ZNF212: variants seen among roughly 807,000 people sequenced by gnomAD.
ZNF212 encodes Zinc finger protein C2H2-150.
ZNF212 carries 32 observed loss-of-function variants against 47.3 expected under a neutral mutation model. That is an observed-to-expected ratio of 0.68 (90% CI 0.51 to 0.91). ZNF212 has a LOEUF of 0.91. Among genes scored for constraint, ZNF212 ranks in the 40% least tolerant of loss-of-function variants. The pLI is 0.00. For synonymous variants in ZNF212, 242 were observed against 253.8 expected (o/e 0.95, Z 0.44); for missense variants, 555 against 622.8 (o/e 0.89, Z 1.16).
chr7:149,247,038 C>G (rs1407873349), intron 1 of ZNF212, among the ~76,000 whole-genome samples: 1 of 148,342 alleles, frequency 6.7e-6, no homozygotes, highest in Non-Finnish European at 1.5e-5. Context: ...TCTCGAACTC[C>G]CAACCTCAGG....
At chr7:149,240,780 A>G (rs1796576434) in intron 1 of ZNF212, among the ~76,000 whole-genome samples, 1 of 152,218 alleles carries the variant, frequency 6.6e-6, no homozygotes, top group African/African-American at 2.4e-5. Context: ...GATCTTTGTG[A>G]GAATGGAGGG....
intron 1 of ZNF212, among the ~76,000 whole-genome samples, chr7:149,244,907 G>A (rs995956821): frequency 3.3e-5 from 5 of 152,162 alleles, no homozygotes; most frequent in Non-Finnish European, 7.4e-5. Context: ...AACCATCCAT[G>A]TGCCACCCTC....
chr7:149,246,813 C>CTTTTTTT (rs71194633), intron 1 of ZNF212, among the ~76,000 whole-genome samples: 3 of 103,592 alleles, frequency 2.9e-5, no homozygotes, highest in East Asian at 2.8e-4. Flanking sequence ...TGTCTGAATT[C>CTTTTTTT]TTTTTTTTTT....
At chr7:149,246,331 T>C (rs1796675943) in intron 1 of ZNF212, among the ~76,000 whole-genome samples, 1 of 152,178 alleles carries the variant, frequency 6.6e-6, no homozygotes, top group African/African-American at 2.4e-5. Flanking sequence ...ATTACCAAGA[T>C]AGAGAATATT....
At chr7:149,242,013 TTTC>T (rs1796596456) in intron 1 of ZNF212, among the ~76,000 whole-genome samples, 1 of 143,188 alleles carries the variant, frequency 7.0e-6, no homozygotes, top group African/African-American at 2.6e-5. Context: ...TTCTTTTTCT[TTTC>T]TTTTCTTTTT....
chr7:149,243,430 T>G, intron 1 of ZNF212, among the ~76,000 whole-genome samples: 1 of 47,818 alleles, frequency 2.1e-5, no homozygotes, highest in African/African-American at 9.3e-5. Flanking sequence ...TGAGACTCCG[T>G]CTCAAAAAAA....
Position 149,250,337 on chromosome 7 carries a change from G to A in ZNF212, c.203G>A (p.Arg68His), listed in dbSNP as rs749177801. The change falls in exon 2 of 5, where the codon CGC (arginine) becomes CAC (histidine). Residue 68 changes from arginine (R) to histidine (H), a missense_variant. Coordinates refer to ENST00000335870, the MANE Select transcript of ZNF212 (RefSeq NM_012256.4). Reference protein sequence around the residue: ...QAARLQSLEGRTGTAEKKLAD... With the variant: ...QAARLQSLEGHTGTAEKKLAD... ...GCCCGGCTACAGAGCCTGGAGGGGC[G>A]CACGGGGACAGCCGAGAAGAAGCTG... 3.1e-6 allele frequency: 5 copies of A among 1,614,126 alleles called. No homozygotes were observed. Among genetic ancestry groups the A allele is most frequent in the East Asian group, 2.2e-5 (1 of 44,876 alleles).
Position 149,241,073 on chromosome 7 carries a change from C to G in ZNF212, c.24+1271C>G, listed in dbSNP as rs368251193. Among the ~76,000 whole-genome samples the G allele has an allele frequency of 1.8e-4, 28 of 152,324 alleles. No homozygotes were observed. The South Asian group carries it at 5.6e-3, about 30-fold the overall frequency. On this transcript the variant is annotated intron_variant, in intron 1 of 4. Transcript: ENST00000335870. ...CCGGCGAGAGGATTCTGCCACAGTTCTTCCTGCCAGGTCACTCCACAATTA... is the reference window on the plus strand; with the variant it reads ...CCGGCGAGAGGATTCTGCCACAGTTGTTCCTGCCAGGTCACTCCACAATTA...
intron 1 of ZNF212, among the ~76,000 whole-genome samples, chr7:149,247,512 A>G (rs1422158906): frequency 6.6e-6 from 1 of 152,234 alleles, no homozygotes. Context: ...GTCTACTACT[A>G]AGTAGCAGGC....
In ZNF212 at chr7:149,254,183, C is replaced by G; in HGVS notation, c.1256C>G (p.Pro419Arg). Residue 419 changes from proline (P) to arginine (R), a missense_variant, in exon 5 of 5, where the codon CCT (proline) becomes CGT (arginine). By Grantham distance (103) the Pro-to-Arg change is moderately radical. Coordinates refer to ENST00000335870, the MANE Select transcript of ZNF212 (RefSeq NM_012256.4). This position sits in a 1 kb window ranked among gnomAD's most constrained non-coding sequence, Gnocchi z 4.5. Reference sequence around the variant, plus strand: ...CTGGTTGCCCTGCCTGGCCACATCCCTTGGAGGAAAAGCCGGAGTTCCCTC... The same window carrying G: ...CTGGTTGCCCTGCCTGGCCACATCCGTTGGAGGAAAAGCCGGAGTTCCCTC... ...NSLVALPGHI[P>R]WRKSRSSLIC... The G allele has an allele frequency of 6.2e-7, 1 of 1,614,256 alleles. No homozygotes were observed. Among genetic ancestry groups the G allele is most frequent in the Non-Finnish European group, 8.5e-7 (1 of 1,180,034 alleles).
chr7:149,242,352 CAA>C (rs200276596), intron 1 of ZNF212, among the ~76,000 whole-genome samples: 2 of 133,794 alleles, frequency 1.5e-5, no homozygotes. Flanking sequence ...TAAAAGCAAC[CAA>C]AAAAAAAAAA....
At chr7:149,247,442 A>G (rs866995987) in intron 1 of ZNF212, among the ~76,000 whole-genome samples, 2 of 152,312 alleles carry the variant, frequency 1.3e-5, no homozygotes, top group South Asian at 4.1e-4. Context: ...GTTGTTAAAC[A>G]TGTCAGTGAT....
At chr7:149,242,321 GC>G (rs1796605722) in intron 1 of ZNF212, among the ~76,000 whole-genome samples, 1 of 151,192 alleles carries the variant, frequency 6.6e-6, no homozygotes, top group Non-Finnish European at 1.5e-5. Context: ...ACCGCACCCG[GC>G]CTAAGGCAGA....
Position 149,239,800 on chromosome 7 carries a change from C to A in ZNF212, c.22C>A (p.Arg8=). 2.4e-6 allele frequency: 3 copies of A among 1,274,064 alleles called. No individual in the cohort carries two copies. The highest frequency in any genetic ancestry group is 3.0e-6 in the Non-Finnish European group (3 of 1,002,358). The allele number at this position is 1,274,064 out of a possible 1,614,324, so 78.9% of individuals were successfully genotyped here. Residue 8 remains arginine (R), a splice_region_variant and synonymous_variant, in exon 1 of 5, where the codon CGG becomes AGG. Coordinates refer to ENST00000335870, the MANE Select transcript of ZNF212 (RefSeq NM_012256.4). MAESAPA[R]HRRKRRSTPL... is the part of the protein sequence containing the mutation. ...AGCCATGGCGGAGTCGGCGCCTGCT[C>A]GGGTAAAGAGGCACCGGCGCGCTGG... is the stretch of plus-strand genomic sequence containing the variant.
At chr7:149,241,324 C>T (rs183651919) in intron 1 of ZNF212, among the ~76,000 whole-genome samples, 5 of 149,374 alleles carry the variant, frequency 3.3e-5, no homozygotes, top group Admixed American at 1.4e-4. Flanking sequence ...CCCAGCTACT[C>T]GGGAGGCTGA....
chr7:149,251,074 G>A lies in ZNF212; in HGVS notation c.541+267G>A, dbSNP rs1796749534. 2.8e-5 allele frequency: 10 copies of A among 360,506 alleles called. No homozygotes were observed. The Admixed American group carries it at 4.4e-4, about 16-fold the overall frequency. 22.3% of individuals were successfully genotyped at this position (360,506 alleles called of 1,614,324 possible). ...TGTGTTTTTTTTTTTTTTTTCCTGT[G>A]GTCACATAGTCTGTTCTTGATAGTA... On this transcript the variant is annotated intron_variant, in intron 3 of 4. Transcript: ENST00000335870.
At chr7:149,250,927 C>T (rs150914904) in intron 3 of ZNF212, 120 bp downstream of exon 3, 403 of 1,368,548 alleles carry the variant, frequency 2.9e-4, no homozygotes, top group Non-Finnish European at 3.8e-4. Flanking sequence ...TCGGCCTGCA[C>T]GGGCAGAGAA....
chr7:149,240,041 C>G (rs76393077), intron 1 of ZNF212: 1 of 427,506 alleles, frequency 2.3e-6, no homozygotes, highest in Non-Finnish European at 4.0e-6. Context: ...AGAAACTTCT[C>G]TGACGCTTGC....
chr7:149,241,295 G>A (rs150530333), intron 1 of ZNF212, among the ~76,000 whole-genome samples: 1,925 of 152,178 alleles, frequency 0.013, 36 homozygotes, highest in African/African-American at 0.044. Context: ...AGCCGGGCGT[G>A]GTGGCGGGTG....
Sources: allele counts gnomAD v4.1 joint callset (sites outside exome capture counted in the v4.1 genomes callset), GRCh38; gene constraint gnomAD v4.1.1; non-coding constraint Gnocchi (gnomAD v3.1); transcripts MANE v1.5; gene names NCBI Gene and HGNC (gene_info 2026-07-23, HGNC 2026-07-21).